Variants in PARP14 observed in about 807,000 individuals in gnomAD.
The protein encoded by PARP14 is poly(ADP-ribose) polymerase family member 14.
Under a neutral mutation model 154.2 loss-of-function variants are expected in PARP14, and 59 were observed. The ratio of observed to expected loss-of-function variants is 0.38; its 90% CI spans 0.31 to 0.48. PARP14 has a LOEUF of 0.48. Ranked by LOEUF, PARP14 falls within the 20% of genes least tolerant of loss-of-function variation. PARP14 has a pLI of 0.98. For missense variants in PARP14, 1,734 were observed against 2,131.6 expected (o/e 0.81, Z 3.67); for synonymous variants, 720 against 780.5 (o/e 0.92, Z 1.29).
At chr3:122,707,428 A>C (rs540373852) in intron 8 of PARP14, among the ~76,000 whole-genome samples, 2 of 101,250 alleles carry the variant, frequency 2.0e-5, no homozygotes, top group Non-Finnish European at 2.2e-5. Context: ...AAGGATTGTG[A>C]TTATAAATTA....
intron 14 of PARP14, 40 bp from the exon 15 acceptor site, chr3:122,720,215 C>T (rs73856279): frequency 0.044 from 70,075 of 1,593,212 alleles, 1,750 homozygotes; most frequent in African/African-American, 0.095. Flanking sequence ...CAGAGTGTAC[C>T]GGGGATGTAT....
At chr3:122,688,655 T>C (rs1416600707) in intron 3 of PARP14, among the ~76,000 whole-genome samples, 2 of 152,124 alleles carry the variant, frequency 1.3e-5, no homozygotes, top group African/African-American at 4.8e-5. Flanking sequence ...TTAATTGGAA[T>C]GGGGTAGACA....
In PARP14 at chr3:122,718,926, G is replaced by C; in HGVS notation, c.4775G>C (p.Ser1592Thr). ...TYTATDTKGH[S>T]LSVQRLTKSK... ...ACTGCCACAGACACAAAGGGCCACA[G>C]TTTATCTGTTCAGCGCCTCACGAAA... Residue 1592 changes from serine (S) to threonine (T), a missense_variant, in exon 14 of 17, where the codon AGT (serine) becomes ACT (threonine). Ser to Thr is a moderately conservative substitution (Grantham distance 58). This residue lies in a region of PARP14 where 1,646 missense variants were observed against 1,976.0 expected (regional missense o/e 0.83). Transcript: ENST00000474629. The C allele has an allele frequency of 6.2e-7, 1 of 1,609,714 alleles. No individual in the cohort carries two copies. Among genetic ancestry groups the C allele is most frequent in the Non-Finnish European group, 8.5e-7 (1 of 1,178,022 alleles).
intron 12 of PARP14, among the ~76,000 whole-genome samples, chr3:122,714,847 C>T (rs1932946224): frequency 6.6e-6 from 1 of 152,130 alleles, no homozygotes; most frequent in Admixed American, 6.5e-5. Context: ...CAACAACTTC[C>T]ACCTCACTCT....
chr3:122,683,723 A>G (rs61660825), intron 1 of PARP14, among the ~76,000 whole-genome samples: 4,294 of 152,278 alleles, frequency 0.028, 210 homozygotes, highest in African/African-American at 0.095. Context: ...GAGATCATAT[A>G]CCCATATTAT....
intron 5 of PARP14, among the ~76,000 whole-genome samples, chr3:122,698,410 G>C (rs142777638): frequency 3.4e-3 from 513 of 152,336 alleles, no homozygotes; most frequent in Non-Finnish European, 5.6e-3. Context: ...GCACACACAT[G>C]CAAACACACC....
chr3:122,699,200 C>T (rs1938870889), intron 5 of PARP14, among the ~76,000 whole-genome samples, 190 bp from the exon 6 acceptor site: 1 of 152,116 alleles, frequency 6.6e-6, no homozygotes, highest in Admixed American at 6.6e-5. Context: ...TTTTTTTACT[C>T]TAAAATGGGA....
chr3:122,725,434 T>G (rs890044417), intron 15 of PARP14, among the ~76,000 whole-genome samples: 3 of 152,192 alleles, frequency 2.0e-5, no homozygotes, highest in Admixed American at 1.3e-4. Context: ...CAGAGGCGAA[T>G]TTTTTCTTAA....
At chr3:122,722,996 C>T (rs10934614) in intron 15 of PARP14, among the ~76,000 whole-genome samples, 26,779 of 151,232 alleles carry the variant, frequency 0.18, 3,391 homozygotes, top group East Asian at 0.53. Context: ...AGTGCAGTGG[C>T]GCGATCTTGG....
intron 9 of PARP14, among the ~76,000 whole-genome samples, chr3:122,712,842 T>G (rs1472776059): frequency 6.6e-6 from 1 of 152,186 alleles, no homozygotes; most frequent in African/African-American, 2.4e-5. Flanking sequence ...CATGAGCCAT[T>G]GTGTCTGGCT....
At chr3:122,703,017 AAAAAAACAAAAAAC>A (rs1270786886) in intron 6 of PARP14, among the ~76,000 whole-genome samples, 14 of 99,606 alleles carry the variant, frequency 1.4e-4, no homozygotes, top group Non-Finnish European at 1.9e-4. Context: ...AAAACAAAAA[AAAAAAACAAAAAAC>A]AAAAAACAGT....
In PARP14 at chr3:122,701,946, G is replaced by A. The variant is rs184630394; in HGVS notation, c.3081+311G>A. Among the ~76,000 whole-genome samples, 431 of 152,244 alleles carry A rather than the reference G, an allele frequency of 2.8e-3. 7 individuals are homozygous for A. The highest frequency in any genetic ancestry group is 9.0e-4 in the Non-Finnish European group (61 of 68,032). ...CAGTTCTCTATACCTTACACCTGCC[G>A]TGTTTTGGTAAATCTAAGACTAATT... On this transcript the variant is annotated intron_variant, in intron 6 of 16. Transcript: ENST00000474629. The surrounding 1 kb of genome is among the most constrained non-coding windows in gnomAD (Gnocchi z 4.0).
rs200701085 is a variant in PARP14, at chr3:122,718,385, C to T, written c.4234C>T (p.Pro1412Ser). ...ASFLGFSKQS[P>S]QKKNHLVLEK... ...ATTTTTGGGCTTTTCAAAGCAATCT[C>T]CCCAAAAAAAGAATCATTTGGTTTT... is the stretch of plus-strand genomic sequence containing the variant. The change falls in exon 14 of 17, where the codon CCC (proline) becomes TCC (serine). Residue 1412 changes from proline to serine, a missense_variant. By Grantham distance (74) the Pro-to-Ser change is moderately conservative. Coordinates refer to ENST00000474629, the MANE Select transcript of PARP14 (RefSeq NM_017554.3). 2.7e-4 allele frequency: 435 copies of T among 1,612,194 alleles called. No individual in the cohort carries two copies. The highest frequency in any genetic ancestry group is 6.7e-4 in the Admixed American group (40 of 59,714).
At chr3:122,723,017 C>A (rs1265189913) in intron 15 of PARP14, among the ~76,000 whole-genome samples, 8 of 151,846 alleles carry the variant, frequency 5.3e-5, no homozygotes, top group Non-Finnish European at 1.0e-4. Flanking sequence ...CTCACTGCAA[C>A]CTCCGCCTAC....
intron 5 of PARP14, among the ~76,000 whole-genome samples, chr3:122,695,896 T>TA (rs1375783483): frequency 6.6e-6 from 1 of 152,214 alleles, no homozygotes; most frequent in African/African-American, 2.4e-5. Context: ...CATGAGTCTC[T>TA]ACCTATGATG....
At chr3:122,698,076 T>C (rs1938836031) in intron 5 of PARP14, among the ~76,000 whole-genome samples, 2 of 152,214 alleles carry the variant, frequency 1.3e-5, no homozygotes, top group Admixed American at 6.5e-5. Flanking sequence ...TGCCTGATGG[T>C]GCTCAGTAAG....
At chr3:122,714,859 G>C (rs1032451687) in intron 12 of PARP14, among the ~76,000 whole-genome samples, 1 of 152,034 alleles carries the variant, frequency 6.6e-6, no homozygotes. Context: ...CCTCACTCTA[G>C]CTGATTCCCA....
intron 2 of PARP14, among the ~76,000 whole-genome samples, chr3:122,686,345 G>A (rs892516578): frequency 2.0e-5 from 3 of 151,824 alleles, no homozygotes; most frequent in Non-Finnish European, 4.4e-5. Context: ...TGTAGAGTCG[G>A]GGTTTTACCA....
At chr3:122,702,220 T>A (rs1939000715) in intron 6 of PARP14, among the ~76,000 whole-genome samples, 1 of 152,128 alleles carries the variant, frequency 6.6e-6, no homozygotes, top group South Asian at 2.1e-4. Flanking sequence ...TGTTTCTTTT[T>A]CTTTTTATTT....
Sources: gnomAD v4.1 joint callset for allele counts (sites outside exome capture counted in the v4.1 genomes callset) on GRCh38, gnomAD v4.1.1 for gene constraint, gnomAD v4.1.1 regional missense constraint, Gnocchi (gnomAD v3.1) non-coding constraint, MANE v1.5 for transcripts, NCBI Gene and HGNC (gene_info 2026-07-23, HGNC 2026-07-21) for gene names.